ABCC11: variants seen among roughly 807,000 people sequenced by gnomAD.
The protein encoded by ABCC11 is ATP-binding cassette sub-family C member 11.
A neutral mutation model predicts 149.3 loss-of-function variants in ABCC11; 135 were observed. The ratio of observed to expected loss-of-function variants is 0.90; its 90% confidence interval spans 0.79 to 1.04. The LOEUF is 1.04. ABCC11 is among the 50% of genes least tolerant of loss of function. The pLI is 0.00. For missense variants in ABCC11, 1,680 were observed against 1,722.1 expected (o/e 0.98, Z 0.43); for synonymous variants, 665 against 671.4 (o/e 0.99, Z 0.15).
intron 6 of ABCC11, among the ~76,000 whole-genome samples, chr16:48,218,037 C>T (rs1969466942): frequency 6.6e-6 from 1 of 152,160 alleles, no homozygotes; most frequent in Admixed American, 6.5e-5. Flanking sequence ...TGGCTCACAT[C>T]TACGATCCCA....
In ABCC11 at chr16:48,167,525, C is replaced by T. The variant is rs751828079; in HGVS notation, c.4027G>A (p.Asp1343Asn). The T allele has an allele frequency of 6.2e-7, 1 of 1,614,142 alleles. No individual in the cohort carries two copies. Among genetic ancestry groups the T allele is most frequent in the East Asian group, 2.2e-5 (1 of 44,882 alleles). ...CCATTGCCCATAACCAGGATGTGGT[C>T]ACAGTTCAGCACAGTGGTGACACGG... is the stretch of plus-strand genomic sequence containing the variant. ...AHRVTTVLNC[D>N]HILVMGNGKV... The change falls in exon 29 of 30, where the codon GAC becomes AAC. Residue 1343 changes from aspartate to asparagine, a missense_variant. Physicochemically the swap from Asp to Asn is conservative, Grantham distance 23. Coordinates refer to ENST00000356608, the MANE Select transcript of ABCC11 (RefSeq NM_001370497.1).
At chr16:48,225,873 A>G (rs1970037321) in intron 4 of ABCC11, among the ~76,000 whole-genome samples, 1 of 152,202 alleles carries the variant, frequency 6.6e-6, no homozygotes, top group African/African-American at 2.4e-5. Context: ...TCATCTTTAA[A>G]CAAAAAACAA....
rs968415844 is a variant in ABCC11 at position 48,167,210 on chromosome 16, C to G, written c.*64G>C. On this transcript the variant is annotated 3_prime_UTR_variant, in exon 30 of 30. Coordinates refer to ENST00000356608, the MANE Select transcript of ABCC11 (RefSeq NM_001370497.1). ...CAAGAAGGTCGCAGACTGTGGGCCTCGAAGCTGCACCTGTGTGAACCTCTG... is the reference window on the plus strand; with the variant it reads ...CAAGAAGGTCGCAGACTGTGGGCCTGGAAGCTGCACCTGTGTGAACCTCTG... The G allele has an allele frequency of 1.3e-6, 1 of 765,960 alleles. No individual in the cohort carries two copies. The highest frequency in any genetic ancestry group is 1.4e-5 in the South Asian group (1 of 73,674). The allele number at this position is 765,960 out of a possible 1,614,324, so 47.4% of individuals were successfully genotyped here. A position where few individuals can be genotyped will look rare whatever the true frequency, so the allele number is the denominator to read the frequency against.
chr16:48,210,654 TC>T (rs761461148), intron 11 of ABCC11: 59 of 389,276 alleles, frequency 1.5e-4, no homozygotes, highest in Non-Finnish European at 2.4e-4. Flanking sequence ...TAGCTGGGTC[TC>T]CTTTCCCTTC....
chr16:48,197,019 T>A (rs1412532947), intron 17 of ABCC11, among the ~76,000 whole-genome samples: 1 of 151,938 alleles, frequency 6.6e-6, no homozygotes, highest in Non-Finnish European at 1.5e-5. Context: ...TTGAGTAGGT[T>A]TTCTTCAAAA....
chr16:48,226,666 G>A lies in ABCC11; in HGVS notation c.395+1140C>T, dbSNP rs189415850. Among the ~76,000 whole-genome samples, 264 of 152,206 alleles carry A rather than the reference G, an allele frequency of 1.7e-3. 5 individuals carry two copies. The highest frequency in any genetic ancestry group is 4.7e-4 in the Non-Finnish European group (32 of 67,994). On this transcript the variant is annotated intron_variant, in intron 4 of 29. Coordinates refer to ENST00000356608, the MANE Select transcript of ABCC11 (RefSeq NM_001370497.1). ...AGAGGTGAGATTCTGACTAATATCT[G>A]GCATTATCCAAAAAGTATTTCCTGG... is the stretch of plus-strand genomic sequence containing the variant.
intron 22 of ABCC11, among the ~76,000 whole-genome samples, chr16:48,185,497 T>G (rs901537459): frequency 6.6e-6 from 1 of 152,250 alleles, no homozygotes; most frequent in African/African-American, 2.4e-5. Context: ...TTTACTTGCT[T>G]TGTTTGAGAA....
chr16:48,213,890 T>C (rs1969120807), intron 9 of ABCC11, among the ~76,000 whole-genome samples: 1 of 152,234 alleles, frequency 6.6e-6, no homozygotes, highest in South Asian at 2.1e-4. Context: ...AGAAAATTCA[T>C]GTGAGTGAGC....
rs1488112758 is a variant in ABCC11, at chr16:48,166,421, G to A, written c.*853C>T. ...AAAGGAAAGCAGAGCTAGGAGAAGA[G>A]AAACAGAGACCTCAAAACAGGCATC... On this transcript the variant is annotated 3_prime_UTR_variant, in exon 30 of 30. Transcript: ENST00000356608. Among the ~76,000 whole-genome samples, 2 of 152,320 alleles carry A rather than the reference G, an allele frequency of 1.3e-5. No individual in the cohort carries two copies. The highest frequency in any genetic ancestry group is 2.4e-5 in the African/African-American group (1 of 41,566).
At position 48,175,342 on chromosome 16, in the gene ABCC11, T is replaced by C; in HGVS notation, c.3614A>G (p.Asp1205Gly). 1.9e-6 allele frequency: 3 copies of C among 1,614,156 alleles called. No homozygotes were observed. The highest frequency in any genetic ancestry group is 2.5e-6 in the Non-Finnish European group (3 of 1,180,002). Reference protein sequence around the residue: ...MAGRILIDGVDICSIGLEDLR... With the variant: ...MAGRILIDGVGICSIGLEDLR... ...GTCCTCCAGGCCGATGCTGCAAATG[T>C]CCACGCCGTCAATGAGAATCCGGCC... is the stretch of plus-strand genomic sequence containing the variant. Residue 1205 changes from aspartate (D) to glycine (G), a missense_variant, in exon 26 of 30, where the codon GAC becomes GGC. Coordinates refer to ENST00000356608, the MANE Select transcript of ABCC11 (RefSeq NM_001370497.1).
chr16:48,245,553 G>A (rs565524269), intron 1 of ABCC11, among the ~76,000 whole-genome samples: 3 of 152,280 alleles, frequency 2.0e-5, no homozygotes, highest in African/African-American at 7.2e-5. Context: ...AGTTGTCCTG[G>A]TTTGCTGCGA....
intron 1 of ABCC11, among the ~76,000 whole-genome samples, chr16:48,232,905 A>T (rs564659311): frequency 6.6e-6 from 1 of 152,184 alleles, no homozygotes; most frequent in Non-Finnish European, 1.5e-5. Context: ...AGCTTTTACC[A>T]TTCAAATACT....
In ABCC11 at chr16:48,178,521, T is replaced by C. The variant is rs1475462755; in HGVS notation, c.3348+76A>G. ...GATGGTCTCAGGGCTCTGAGGCCAG[T>C]GGGGCTTGTAGAGGTCACAGAAGTC... On this transcript the variant is annotated intron_variant, in intron 24 of 29. Transcript: ENST00000356608. 123 of 1,411,012 alleles carry C rather than the reference T, an allele frequency of 8.7e-5. 1 individual carries two copies. The East Asian group carries it at 2.8e-3, about 32-fold the overall frequency. 87.4% of individuals were successfully genotyped at this position (1,411,012 alleles called of 1,614,324 possible). A position where few individuals can be genotyped will look rare whatever the true frequency, so the allele number is the denominator to read the frequency against.
chr16:48,166,498 GA>G lies in ABCC11; in HGVS notation c.*775del, dbSNP rs1200274817. ...CTTTTTCTGTATCTTTCTGTTACAA[GA>G]CCAACAAACTCTTTTTTTTTTCCAA... On this transcript the variant is annotated 3_prime_UTR_variant, in exon 30 of 30. Transcript: ENST00000356608. 6.6e-6 allele frequency among the ~76,000 whole-genome samples: 1 copy of G among 152,154 alleles called. No homozygotes were observed.
chr16:48,171,204 C>G (rs1028645941), intron 26 of ABCC11, among the ~76,000 whole-genome samples: 1 of 152,182 alleles, frequency 6.6e-6, no homozygotes, highest in Non-Finnish European at 1.5e-5. Context: ...CCCATGTGTT[C>G]CAGGGCAGGC....
intron 1 of ABCC11, chr16:48,244,574 C>T (rs956538168): frequency 1.3e-6 from 2 of 1,507,600 alleles, no homozygotes; most frequent in Non-Finnish European, 1.8e-6. Context: ...TCATCCCCAA[C>T]ACGCCTGACC....
intron 22 of ABCC11, 70 bp from the exon 23 acceptor site, chr16:48,184,696 T>C (rs1018457428): frequency 6.8e-7 from 1 of 1,479,634 alleles, no homozygotes; most frequent in Admixed American, 2.0e-5. Context: ...TCAGGGTAGA[T>C]ACCGGCTGCT....
intron 9 of ABCC11, 132 bp from the exon 10 acceptor site, chr16:48,213,682 G>T: frequency 1.6e-6 from 1 of 636,608 alleles, no homozygotes; most frequent in Non-Finnish European, 2.6e-6. Context: ...GGCTAAGCTA[G>T]TGTTTGGAGG....
chr16:48,167,668 A>G lies in ABCC11; in HGVS notation c.3892-8T>C. 1 of 1,614,056 alleles carries G rather than the reference A, an allele frequency of 6.2e-7. No individual in the cohort carries two copies. Among genetic ancestry groups the G allele is most frequent in the Non-Finnish European group, 8.5e-7 (1 of 1,179,970 alleles). ...TTCATCGATAAGGATGATCTGATGA[A>G]TACAAAACAGGGGTGAAGGTGTCTA... is the stretch of plus-strand genomic sequence containing the variant. On this transcript the variant is annotated splice_region_variant and splice_polypyrimidine_tract_variant and intron_variant, in intron 28 of 29. Transcript: ENST00000356608.
Sources: allele counts gnomAD v4.1 joint callset (sites outside exome capture counted in the v4.1 genomes callset), GRCh38; gene constraint gnomAD v4.1.1; transcripts MANE v1.5; gene names NCBI Gene and HGNC (gene_info 2026-07-23, HGNC 2026-07-21).